ROBO1: variants seen among roughly 807,000 people sequenced by gnomAD.
ROBO1 encodes roundabout homolog 1.
ROBO1 carries 149 observed loss-of-function variants against 195.9 expected under a neutral mutation model. That is an observed-to-expected ratio of 0.76 (90% CI 0.67 to 0.87). The LOEUF (loss-of-function observed/expected upper bound fraction) is 0.87, where lower values mean the gene tolerates loss of function less well. Among genes scored for constraint, ROBO1 ranks in the 40% least tolerant of loss-of-function variants. The pLI is 0.00. For missense variants in ROBO1, 1,933 were observed against 2,068.3 expected, an observed-to-expected ratio of 0.93 and a Z score of 1.27; for synonymous variants, 816 against 733.2, an observed-to-expected ratio of 1.11 and a Z score of -1.82.
At chr3:79,334,721 A>G (rs77517772) in intron 2 of ROBO1, among the ~76,000 whole-genome samples, 4,552 of 151,038 alleles carry the variant, frequency 0.03, 93 homozygotes, top group Non-Finnish European at 0.047. Flanking sequence ...TTCAATTCAT[A>G]TATTTTATAC....
chr3:79,341,494 C>CT (rs144363975), intron 2 of ROBO1, among the ~76,000 whole-genome samples: 40 of 147,994 alleles, frequency 2.7e-4, no homozygotes, highest in East Asian at 9.9e-4. Context: ...ACCACTGGTT[C>CT]TTTTTTTTTT....
intron 14 of ROBO1, among the ~76,000 whole-genome samples, chr3:78,663,328 A>T (rs184250957): frequency 0.011 from 1,705 of 150,398 alleles, 14 homozygotes; most frequent in Non-Finnish European, 0.017. Context: ...AATAAGCAAG[A>T]TGAAAAAAAA....
At chr3:79,505,042 T>G (rs1940315385) in intron 2 of ROBO1, among the ~76,000 whole-genome samples, 1 of 135,718 alleles carries the variant, frequency 7.4e-6, no homozygotes. Context: ...AAAAAAAACT[T>G]TTTGAATATT....
chr3:78,942,598 T>G (rs1010610750), intron 3 of ROBO1, among the ~76,000 whole-genome samples: 1 of 152,188 alleles, frequency 6.6e-6, no homozygotes, highest in East Asian at 1.9e-4. Flanking sequence ...GTATGAGACA[T>G]GAAGAATTTG....
At chr3:79,064,110 A>G (rs1400333042) in intron 3 of ROBO1, among the ~76,000 whole-genome samples, 1 of 152,004 alleles carries the variant, frequency 6.6e-6, no homozygotes, top group Non-Finnish European at 1.5e-5. Context: ...TCATAAAAAA[A>G]TTACAAATGT....
At chr3:79,299,611 A>G (rs2032785651) in intron 2 of ROBO1, among the ~76,000 whole-genome samples, 1 of 152,208 alleles carries the variant, frequency 6.6e-6, no homozygotes, top group African/African-American at 2.4e-5. Flanking sequence ...TGCCAATAAT[A>G]TATTCATTTT....
intron 2 of ROBO1, among the ~76,000 whole-genome samples, chr3:79,311,983 C>A (rs766982757): frequency 2.0e-5 from 3 of 152,094 alleles, no homozygotes; most frequent in Non-Finnish European, 4.4e-5. Context: ...ATTCTGAACT[C>A]CCCTCACATA....
chr3:79,365,551 T>C (rs767625883), intron 2 of ROBO1, among the ~76,000 whole-genome samples: 3 of 151,930 alleles, frequency 2.0e-5, no homozygotes, highest in Non-Finnish European at 4.4e-5. Flanking sequence ...CTCCATTGAG[T>C]CTATCAACTT....
intron 4 of ROBO1, among the ~76,000 whole-genome samples, chr3:78,844,515 G>A (rs1003057083): frequency 6.6e-6 from 1 of 151,984 alleles, no homozygotes; most frequent in Admixed American, 6.6e-5. Context: ...AAGATGGTTC[G>A]CTGGTAAATC....
chr3:78,701,632 C>T (rs1328892785), intron 8 of ROBO1, among the ~76,000 whole-genome samples: 1 of 152,158 alleles, frequency 6.6e-6, no homozygotes, highest in African/African-American at 2.4e-5. Context: ...CACAAAAGCA[C>T]TTCTCATCTC....
intron 3 of ROBO1, among the ~76,000 whole-genome samples, chr3:79,012,131 T>C (rs1156456521): frequency 6.6e-6 from 1 of 152,220 alleles, no homozygotes; most frequent in Non-Finnish European, 1.5e-5. Context: ...TTGCCAGAAG[T>C]AGCTTAAAAA....
intron 2 of ROBO1, among the ~76,000 whole-genome samples, chr3:79,357,281 C>T (rs2035593134): frequency 6.6e-6 from 1 of 152,104 alleles, no homozygotes; most frequent in African/African-American, 2.4e-5. Flanking sequence ...TGACAATAAC[C>T]TTTGAGAGCC....
intron 3 of ROBO1, among the ~76,000 whole-genome samples, chr3:79,119,251 A>T (rs1054539199): frequency 2.0e-5 from 3 of 152,214 alleles, no homozygotes; most frequent in Non-Finnish European, 4.4e-5. Context: ...AATTATTGTT[A>T]GAGCTTAATT....
At chr3:79,723,867 T>C (rs1702803345) in intron 1 of ROBO1, among the ~76,000 whole-genome samples, 1 of 152,186 alleles carries the variant, frequency 6.6e-6, no homozygotes, top group Non-Finnish European at 1.5e-5. Flanking sequence ...AAGGATTAAA[T>C]TATTATATGA....
intron 4 of ROBO1, among the ~76,000 whole-genome samples, chr3:78,813,263 C>A (rs930547038): frequency 2.0e-5 from 3 of 146,922 alleles, no homozygotes; most frequent in Admixed American, 6.8e-5. Flanking sequence ...CACACACACA[C>A]CACTTTGATA....
At chr3:79,736,374 C>T (rs538282402) in intron 1 of ROBO1, among the ~76,000 whole-genome samples, 123 of 152,204 alleles carry the variant, frequency 8.1e-4, no homozygotes, top group African/African-American at 2.8e-3. Context: ...ATCTTAATTG[C>T]AAAGGTTAGG....
intron 1 of ROBO1, among the ~76,000 whole-genome samples, chr3:79,612,242 A>G (rs1169440643): frequency 6.9e-6 from 1 of 144,024 alleles, no homozygotes; most frequent in African/African-American, 2.6e-5. Flanking sequence ...ATGTGATCTC[A>G]TTGTTCAGTT....
At chr3:78,830,076 C>T (rs757637386) in intron 4 of ROBO1, among the ~76,000 whole-genome samples, 2 of 152,018 alleles carry the variant, frequency 1.3e-5, no homozygotes, top group Non-Finnish European at 2.9e-5. Context: ...AATCATCATC[C>T]AATTTCTATT....
intron 9 of ROBO1, among the ~76,000 whole-genome samples, chr3:78,687,993 G>A (rs1387837492): frequency 1.3e-5 from 2 of 151,888 alleles, no homozygotes; most frequent in African/African-American, 4.8e-5. Flanking sequence ...TATTTTAAAC[G>A]CTTCTAAGAT....
Sources: gnomAD v4.1 joint callset for allele counts (sites outside exome capture counted in the v4.1 genomes callset) on GRCh38, gnomAD v4.1.1 for gene constraint, MANE v1.5 for transcripts, NCBI Gene and HGNC (gene_info 2026-07-23, HGNC 2026-07-21) for gene names.